The following UST variants were observed in gnomAD, a reference collection of about 807,000 sequenced individuals.
UST encodes uronyl 2-sulfotransferase.
In UST, 21 loss-of-function variants were observed where a neutral mutation model predicts 45.6. That is an observed-to-expected ratio of 0.46 (90% confidence interval 0.33 to 0.66). The LOEUF is 0.66. Among genes scored for constraint, UST ranks in the 30% least tolerant of loss-of-function variants. The pLI, the probability that UST is intolerant of heterozygous loss-of-function variation, is 0.02. For synonymous variants in UST, 215 were observed against 200.6 expected (o/e 1.07, Z -0.61); for missense variants, 463 against 512.4 (o/e 0.90, Z 0.93).
At chr6:148,861,798 T>A (rs1003356526) in intron 1 of UST, among the ~76,000 whole-genome samples, 22 of 152,232 alleles carry the variant, frequency 1.4e-4, no homozygotes, top group Admixed American at 7.8e-4. Flanking sequence ...TTCCATGTAG[T>A]TGAGCGGTAT....
chr6:148,960,589 CAG>C (rs1297376340), intron 4 of UST, among the ~76,000 whole-genome samples: 3 of 152,300 alleles, frequency 2.0e-5, no homozygotes, highest in East Asian at 3.9e-4. Context: ...GTTGAATGGG[CAG>C]AGTTTCCATT....
chr6:148,848,827 G>A (rs1778048208), intron 1 of UST, among the ~76,000 whole-genome samples: 1 of 152,098 alleles, frequency 6.6e-6, no homozygotes, highest in African/African-American at 2.4e-5. Context: ...GTTTCCATAG[G>A]CTCTCTTCGA....
rs147945004 is a variant in UST, at chr6:148,926,089, G to A, written c.292-15190G>A. On this transcript the variant is annotated intron_variant, in intron 2 of 7. Transcript: ENST00000367463. ...CTACCCCCAGAAATGTTTAATGACAGACTTTTAAAGTAATTGAAGAAAGAA... is the reference window on the plus strand; with the variant it reads ...CTACCCCCAGAAATGTTTAATGACAAACTTTTAAAGTAATTGAAGAAAGAA... Among the ~76,000 whole-genome samples, 8 of 152,276 alleles carry A rather than the reference G, an allele frequency of 5.3e-5. 1 individual carries two copies. In the East Asian group the frequency reaches 1.5e-3, roughly 29 times the overall value.
intron 5 of UST, among the ~76,000 whole-genome samples, chr6:148,994,365 A>G (rs577910512): frequency 3.2e-4 from 48 of 152,278 alleles, no homozygotes; most frequent in African/African-American, 1.2e-3. Context: ...ATTAATGAAA[A>G]ACAATTTATT....
At chr6:149,068,033 T>C (rs188902226) in intron 7 of UST, among the ~76,000 whole-genome samples, 1 of 151,702 alleles carries the variant, frequency 6.6e-6, no homozygotes, top group Admixed American at 6.6e-5. Context: ...TCGTGCCCAA[T>C]TTTTTTTTAA....
chr6:148,869,424 G>A (rs935463516), intron 1 of UST, among the ~76,000 whole-genome samples: 1 of 152,152 alleles, frequency 6.6e-6, no homozygotes, highest in East Asian at 1.9e-4. Context: ...TCATGTGTTA[G>A]GTTGCTAGTT....
At chr6:149,043,042 TTTCC>T (rs1360037374) in intron 7 of UST, among the ~76,000 whole-genome samples, 77 of 140,270 alleles carry the variant, frequency 5.5e-4, no homozygotes, top group African/African-American at 2.1e-3. Context: ...TCTTTCTTTC[TTTCC>T]TTCTTTCCTT....
chr6:148,755,851 A>C (rs1776084870), intron 1 of UST, among the ~76,000 whole-genome samples: 1 of 152,246 alleles, frequency 6.6e-6, no homozygotes, highest in Admixed American at 6.5e-5. Flanking sequence ...ATCCAGGTGA[A>C]AAATGGTAAT....
At chr6:149,039,547 T>C (rs1776281668) in intron 7 of UST, among the ~76,000 whole-genome samples, 1 of 152,226 alleles carries the variant, frequency 6.6e-6, no homozygotes, top group Non-Finnish European at 1.5e-5. Context: ...AGTTAGATAT[T>C]AGCATTGCTA....
chr6:148,879,940 TCTTTTTTTTTTC>T (rs1432574602), intron 1 of UST, among the ~76,000 whole-genome samples: 1 of 107,668 alleles, frequency 9.3e-6, no homozygotes, highest in Non-Finnish European at 2.0e-5. Flanking sequence ...TTTTCTTTTT[TCTTTTTTTTTTC>T]TTTTTTTTTT....
rs531414681 is a variant in UST at position 149,041,632 on chromosome 6, C to G, written c.937+20151C>G. ...AATCTCTGGTCATGGTGAAATGCGC[C>G]GCTGTTCAGATGCCTCTTCATCGCT... On this transcript the variant is annotated intron_variant, in intron 7 of 7. Coordinates refer to ENST00000367463, the MANE Select transcript of UST (RefSeq NM_005715.3). Among the ~76,000 whole-genome samples, 3 of 152,270 alleles carry G rather than the reference C, an allele frequency of 2.0e-5. No individual in the cohort carries two copies. The East Asian group carries it at 5.8e-4, about 29-fold the overall frequency.
chr6:148,768,706 T>C (rs146184047), intron 1 of UST, among the ~76,000 whole-genome samples: 21 of 152,392 alleles, frequency 1.4e-4, no homozygotes, highest in African/African-American at 4.8e-4. Flanking sequence ...TCTTTAACAG[T>C]AAATGAATTT....
chr6:148,972,593 C>T (rs2114969776), intron 5 of UST, among the ~76,000 whole-genome samples: 1 of 152,358 alleles, frequency 6.6e-6, no homozygotes, highest in East Asian at 1.9e-4. Context: ...ATCAGGAGCA[C>T]GCACCGCAAG....
At chr6:148,962,706 T>C (rs1474050472) in intron 4 of UST, among the ~76,000 whole-genome samples, 1 of 152,196 alleles carries the variant, frequency 6.6e-6, no homozygotes, top group East Asian at 1.9e-4. Flanking sequence ...CCATGAGCAG[T>C]GTGTGTTCCA....
At chr6:148,970,141 G>A (rs753465749) in intron 5 of UST, among the ~76,000 whole-genome samples, 5 of 152,190 alleles carry the variant, frequency 3.3e-5, no homozygotes, top group Non-Finnish European at 7.3e-5. Flanking sequence ...AGGACCAAAG[G>A]CCACTTCTGG....
rs370216214 is a variant in UST, at chr6:149,073,973, C to T, written c.1078C>T (p.Arg360Cys). Reference sequence around the variant, plus strand: ...CAAAGAGCAGTTCCACCTGCTGAAGCGCAAGTTTGGACTTAAGTCTCACGT... The same window carrying T: ...CAAAGAGCAGTTCCACCTGCTGAAGTGCAAGTTTGGACTTAAGTCTCACGT... ...YVKEQFHLLK[R>C]KFGLKSHVSK... The change falls in exon 8 of 8, where the codon CGC becomes TGC. Residue 360 changes from arginine (R) to cysteine (C), a missense_variant. Transcript: ENST00000367463. The T allele has an allele frequency of 5.6e-6, 9 of 1,614,056 alleles. No individual in the cohort carries two copies. The African/African-American group carries it at 9.3e-5, about 17-fold the overall frequency.
At chr6:148,950,509 G>A (rs1780344616) in intron 3 of UST, among the ~76,000 whole-genome samples, 1 of 152,102 alleles carries the variant, frequency 6.6e-6, no homozygotes, top group African/African-American at 2.4e-5. Flanking sequence ...TCCATTACCT[G>A]ACTCTTACCT....
intron 4 of UST, among the ~76,000 whole-genome samples, chr6:148,961,060 C>T (rs1183787253): frequency 6.6e-6 from 1 of 152,122 alleles, no homozygotes; most frequent in African/African-American, 2.4e-5. Flanking sequence ...GAGTGAGAAA[C>T]ATGCAGTTAT....
At position 149,009,008 on chromosome 6, in the gene UST, A is replaced by G. The variant is rs527246520; in HGVS notation, c.682-10131A>G. 1.9e-4 allele frequency among the ~76,000 whole-genome samples: 29 copies of G among 152,350 alleles called. No homozygotes were observed. The South Asian group carries it at 3.7e-3, about 20-fold the overall frequency. ...TTGAAGAAAGACTGCACCTTAAAAG[A>G]CAGGGGCTAAAATAAGCAAATGGAA... On this transcript the variant is annotated intron_variant, in intron 5 of 7. Transcript: ENST00000367463.
Sources: gnomAD v4.1 joint callset for allele counts (sites outside exome capture counted in the v4.1 genomes callset) on GRCh38, gnomAD v4.1.1 for gene constraint, MANE v1.5 for transcripts, NCBI Gene and HGNC (gene_info 2026-07-23, HGNC 2026-07-21) for gene names.